STPG4: variants seen among roughly 807,000 people sequenced by gnomAD.
STPG4 encodes the protein sperm-tail PG-rich repeat containing 4, also known as protein STPG4.
STPG4 carries 41 observed loss-of-function variants against 31.5 expected under a neutral mutation model. The ratio of observed to expected loss-of-function variants is 1.30; its 90% CI spans 1.01 to 1.69. The LOEUF is 1.69. STPG4 is among the 40% of genes most tolerant of loss of function. The pLI, the probability that STPG4 is intolerant of heterozygous loss-of-function variation, is 0.00. For missense variants in STPG4, 375 were observed against 293.4 expected, an observed-to-expected ratio of 1.28 and a Z score of -2.03; for synonymous variants, 141 against 103.0, an observed-to-expected ratio of 1.37 and a Z score of -2.24.
At chr2:47,123,216 A>AT (rs1686308660) in intron 5 of STPG4, among the ~76,000 whole-genome samples, 2 of 152,340 alleles carry the variant, frequency 1.3e-5, no homozygotes, top group South Asian at 2.1e-4. Context: ...AAAAGAGTTC[A>AT]TTTTTTATCA....
At chr2:47,093,426 A>G (rs779992628) in intron 5 of STPG4, among the ~76,000 whole-genome samples, 103 of 152,296 alleles carry the variant, frequency 6.8e-4, no homozygotes, top group Middle Eastern at 6.8e-3. Context: ...TCTGCACAGG[A>G]ACAGTTTGTG....
At chr2:47,100,671 T>C (rs1021975476) in intron 5 of STPG4, among the ~76,000 whole-genome samples, 4 of 151,680 alleles carry the variant, frequency 2.6e-5, no homozygotes, top group African/African-American at 9.7e-5. Context: ...TTTTATGAGC[T>C]GTAACACTCA....
At chr2:47,103,357 T>G (rs977300847) in intron 5 of STPG4, among the ~76,000 whole-genome samples, 10 of 151,828 alleles carry the variant, frequency 6.6e-5, no homozygotes, top group African/African-American at 2.4e-4. Context: ...ATAAGTTTAT[T>G]ACCCAATCAG....
intron 3 of STPG4, among the ~76,000 whole-genome samples, chr2:47,146,328 C>G (rs1686819145): frequency 6.6e-6 from 1 of 152,132 alleles, no homozygotes. Context: ...CTACAATGCA[C>G]AGAACAGCCC....
intron 5 of STPG4, among the ~76,000 whole-genome samples, chr2:47,110,322 G>A (rs1342717695): frequency 6.6e-6 from 1 of 152,146 alleles, no homozygotes; most frequent in South Asian, 2.1e-4. Context: ...GGCTGGGCAC[G>A]GTGGCTCACG....
chr2:47,102,282 C>T (rs530932193), intron 5 of STPG4, among the ~76,000 whole-genome samples: 3 of 151,882 alleles, frequency 2.0e-5, no homozygotes, highest in East Asian at 1.9e-4. Context: ...AAACTGCGGG[C>T]GGTTTTGTCT....
intron 5 of STPG4, among the ~76,000 whole-genome samples, chr2:47,104,176 C>T (rs1207774005): frequency 6.6e-6 from 1 of 151,930 alleles, no homozygotes; most frequent in East Asian, 1.9e-4. Context: ...ATTGGAAGGA[C>T]AATTTGGAAG....
At position 47,112,917 on chromosome 2, in the gene STPG4, G is replaced by A. The variant is rs1421824303; in HGVS notation, c.519+17024C>T. ...TGAGGTGGGAGGATTGCTTGAGCCC[G>A]GGAGGTGGAGCCTGCAGTGAGCCAA... On this transcript the variant is annotated intron_variant, in intron 5 of 6. Coordinates refer to ENST00000445927, the MANE Select transcript of STPG4 (RefSeq NM_001163561.2). 1.1e-4 allele frequency among the ~76,000 whole-genome samples: 17 copies of A among 150,930 alleles called. No individual in the cohort carries two copies. The East Asian group carries it at 1.7e-3, about 16-fold the overall frequency.
At chr2:47,102,244 C>T (rs548485411) in intron 5 of STPG4, among the ~76,000 whole-genome samples, 8 of 135,968 alleles carry the variant, frequency 5.9e-5, no homozygotes, top group East Asian at 1.9e-4. Context: ...TGCAGGTTCT[C>T]GAGCAGGGGA....
chr2:47,145,741 A>C (rs941963383), intron 3 of STPG4, among the ~76,000 whole-genome samples: 1 of 152,246 alleles, frequency 6.6e-6, no homozygotes, highest in East Asian at 1.9e-4. Context: ...ACAGAGATAT[A>C]ATAATGAGCA....
intron 3 of STPG4, among the ~76,000 whole-genome samples, chr2:47,134,099 C>T (rs1686546545): frequency 2.1e-5 from 3 of 144,780 alleles, no homozygotes; most frequent in Non-Finnish European, 4.7e-5. Flanking sequence ...AGGGTCATAG[C>T]AAAATTGCAA....
At chr2:47,130,611 G>T (rs1686459888) in intron 3 of STPG4, among the ~76,000 whole-genome samples, 1 of 152,124 alleles carries the variant, frequency 6.6e-6, no homozygotes, top group Non-Finnish European at 1.5e-5. Context: ...CGCCTCCCCA[G>T]TTCAAGCAAT....
chr2:47,141,404 T>C (rs1244773456), intron 3 of STPG4, among the ~76,000 whole-genome samples: 3 of 152,142 alleles, frequency 2.0e-5, no homozygotes, highest in Non-Finnish European at 4.4e-5. Context: ...CAATATCTTG[T>C]AATTTTCACT....
chr2:47,138,432 C>A (rs1219030601), intron 3 of STPG4, among the ~76,000 whole-genome samples: 3 of 150,516 alleles, frequency 2.0e-5, no homozygotes, highest in African/African-American at 7.3e-5. Context: ...TACTCTGTCA[C>A]CCAGGCTATA....
intron 5 of STPG4, among the ~76,000 whole-genome samples, chr2:47,123,223 A>G (rs1686308839): frequency 6.6e-6 from 1 of 152,216 alleles, no homozygotes; most frequent in African/African-American, 2.4e-5. Context: ...TTCATTTTTT[A>G]TCATAACTCA....
chr2:47,128,669 T>C (rs1686410729), intron 5 of STPG4, among the ~76,000 whole-genome samples: 1 of 152,086 alleles, frequency 6.6e-6, no homozygotes, highest in Non-Finnish European at 1.5e-5. Context: ...GGCCTGGGTC[T>C]CTCCCTTCAG....
intron 5 of STPG4, among the ~76,000 whole-genome samples, chr2:47,109,161 G>C (rs1257150741): frequency 6.6e-6 from 1 of 152,232 alleles, no homozygotes; most frequent in African/African-American, 2.4e-5. Flanking sequence ...CACGCTCACA[G>C]CTGGATGGCA....
intron 5 of STPG4, among the ~76,000 whole-genome samples, chr2:47,111,901 G>C (rs990500956): frequency 1.3e-5 from 2 of 152,146 alleles, no homozygotes; most frequent in African/African-American, 4.8e-5. Flanking sequence ...TTCCTTACCA[G>C]TTGTTTCTCC....
intron 3 of STPG4, among the ~76,000 whole-genome samples, chr2:47,146,997 A>C (rs1272796037): frequency 6.6e-6 from 1 of 152,060 alleles, no homozygotes; most frequent in African/African-American, 2.4e-5. Flanking sequence ...TTAGCCAGGC[A>C]TGGTGGCTGG....
Sources: gnomAD v4.1 joint callset for allele counts (sites outside exome capture counted in the v4.1 genomes callset) on GRCh38, gnomAD v4.1.1 for gene constraint, MANE v1.5 for transcripts, NCBI Gene and HGNC (gene_info 2026-07-23, HGNC 2026-07-21) for gene names.